Variants in RARS2 observed in about 807,000 individuals in gnomAD.
The protein encoded by RARS2 is probable arginine--tRNA ligase, mitochondrial.
In RARS2, 67 loss-of-function variants were observed where a neutral mutation model predicts 88.5. The ratio of observed to expected loss-of-function variants is 0.76; its 90% CI spans 0.62 to 0.93. RARS2 has a LOEUF of 0.93. Ranked by LOEUF, RARS2 falls within the 40% of genes least tolerant of loss-of-function variation. RARS2 has a pLI of 0.00. For missense variants in RARS2, 664 were observed against 684.2 expected, an observed-to-expected ratio of 0.97 and a Z score of 0.33; for synonymous variants, 239 against 230.3, an observed-to-expected ratio of 1.04 and a Z score of -0.34.
chr6:87,517,928 C>T (rs1772363048), intron 17 of RARS2, among the ~76,000 whole-genome samples: 1 of 152,176 alleles, frequency 6.6e-6, no homozygotes, highest in Admixed American at 6.5e-5. Flanking sequence ...GGCAGCTAGA[C>T]ATGTGCGCTA....
At chr6:87,566,702 C>T (rs79321345) in intron 2 of RARS2, among the ~76,000 whole-genome samples, 5,665 of 151,528 alleles carry the variant, frequency 0.037, 347 homozygotes, top group African/African-American at 0.13. Flanking sequence ...AAAAATTAGC[C>T]AAGTGTGGTG....
chr6:87,521,366 C>G, intron 12 of RARS2, 98 bp downstream of exon 12: 1 of 934,990 alleles, frequency 1.1e-6, no homozygotes, highest in Non-Finnish European at 1.7e-6. Flanking sequence ...GTTGACTTCT[C>G]TCTGTAGTTT....
At chr6:87,550,806 A>T (rs973092229) in intron 5 of RARS2, among the ~76,000 whole-genome samples, 1 of 146,290 alleles carries the variant, frequency 6.8e-6, no homozygotes, top group African/African-American at 2.6e-5. Flanking sequence ...TACATTATTT[A>T]AGAAAAAAAA....
rs117663384 is a variant in RARS2, at chr6:87,566,363, A to G, written c.111-2131T>C. ...AAAGTAAAAAATACATCAACTTGCTAAAATCAGTTGTCTTACTGTAGTAGA... is the reference window on the plus strand; with the variant it reads ...AAAGTAAAAAATACATCAACTTGCTGAAATCAGTTGTCTTACTGTAGTAGA... On this transcript the variant is annotated intron_variant, in intron 2 of 19. Coordinates refer to ENST00000369536, the MANE Select transcript of RARS2 (RefSeq NM_020320.5). Among the ~76,000 whole-genome samples, 49 of 152,336 alleles carry G rather than the reference A, an allele frequency of 3.2e-4. No individual in the cohort carries two copies. The East Asian group carries it at 9.2e-3, about 29-fold the overall frequency.
At position 87,564,116 on chromosome 6, in the gene RARS2, T is replaced by C. The variant is rs986829250; in HGVS notation, c.213+14A>G. On this transcript the variant is annotated intron_variant, in intron 3 of 19. Transcript: ENST00000369536. ...TTATTACAATGTCAAAAAGAGATAA[T>C]AGTGCTAACGTACCTTCTCTGCTAG... is the stretch of plus-strand genomic sequence containing the variant. The C allele has an allele frequency of 1.2e-5, 18 of 1,558,256 alleles. No individual in the cohort carries two copies. The highest frequency in any genetic ancestry group is 1.7e-5 in the Admixed American group (1 of 59,936).
chr6:87,527,227 T>G (rs564381391), intron 10 of RARS2, among the ~76,000 whole-genome samples: 34 of 152,040 alleles, frequency 2.2e-4, no homozygotes, highest in Non-Finnish European at 3.5e-4. Context: ...GAGATTCGCT[T>G]GAACCTGGGA....
At chr6:87,573,480 T>G (rs555483003) in intron 1 of RARS2, among the ~76,000 whole-genome samples, 2 of 152,252 alleles carry the variant, frequency 1.3e-5, no homozygotes, top group Admixed American at 1.3e-4. Context: ...ATAATGTAAA[T>G]TTTAAAACAA....
At position 87,545,644 on chromosome 6, in the gene RARS2, AT is replaced by A. The variant is rs749044383; in HGVS notation, c.506del (p.Asn169IlefsTer51). The stretch of plus-strand genomic sequence containing the variant: ...ACTGCATGCCCCAATCGCCAAGGTA[AT>A]TTATTCTTATTACTTGATGTCCTAA... Reference protein sequence around the residue: ...EALGHQVIRINYLGDWGMQFG... With the variant: ...EALGHQVIRIXYLGDWGMQFG... On this transcript the variant is annotated frameshift_variant, in exon 7 of 20. Coordinates refer to ENST00000369536, the MANE Select transcript of RARS2 (RefSeq NM_020320.5). LOFTEE classifies it high-confidence loss of function. 4 of 1,613,764 alleles carry A rather than the reference AT, an allele frequency of 2.5e-6. No homozygotes were observed. The highest frequency in any genetic ancestry group is 3.4e-6 in the Non-Finnish European group (4 of 1,179,894).
chr6:87,548,790 G>A (rs1220993433), intron 5 of RARS2, 144 bp from the exon 6 acceptor site: 2 of 734,812 alleles, frequency 2.7e-6, no homozygotes, highest in Non-Finnish European at 4.4e-6. Context: ...TAAAAATTTA[G>A]AGCAAAGATA....
chr6:87,558,773 T>C (rs1427663834), intron 4 of RARS2, among the ~76,000 whole-genome samples: 1 of 152,228 alleles, frequency 6.6e-6, no homozygotes, highest in African/African-American at 2.4e-5. Flanking sequence ...TTGATAATAA[T>C]AAAGGACTGT....
chr6:87,518,947 A>G, intron 14 of RARS2, 56 bp from the exon 15 acceptor site: 2 of 1,555,524 alleles, frequency 1.3e-6, no homozygotes, highest in Non-Finnish European at 1.8e-6. Flanking sequence ...CCAATCATGG[A>G]TCCAAGTGAA....
rs1325871986 is a variant in RARS2, at chr6:87,564,248, G to A, written c.111-16C>T. 6.4e-6 allele frequency: 10 copies of A among 1,554,246 alleles called. No homozygotes were observed. The highest frequency in any genetic ancestry group is 5.0e-5 in the Admixed American group (3 of 59,872). On this transcript the variant is annotated splice_polypyrimidine_tract_variant and intron_variant, in intron 2 of 19. Coordinates refer to ENST00000369536, the MANE Select transcript of RARS2 (RefSeq NM_020320.5). ...AGCTACTTCTCTAAAGACAGACATC[G>A]AAACGAGATAGAACTGTTACCTTAA...
intron 1 of RARS2, among the ~76,000 whole-genome samples, chr6:87,585,642 G>C (rs1006485583): frequency 1.3e-5 from 2 of 152,142 alleles, no homozygotes; most frequent in Admixed American, 1.3e-4. Flanking sequence ...TGAGGTGGGA[G>C]AATGGCGTGA....
chr6:87,518,042 A>G (rs1234985070), intron 17 of RARS2, 127 bp downstream of exon 17: 19 of 1,572,580 alleles, frequency 1.2e-5, no homozygotes, highest in Non-Finnish European at 1.7e-5. Flanking sequence ...TTTTTAAGGC[A>G]TACCTTTGGG....
chr6:87,583,905 T>C (rs6902249), intron 1 of RARS2, among the ~76,000 whole-genome samples: 5,698 of 152,212 alleles, frequency 0.037, 349 homozygotes, highest in African/African-American at 0.13. Context: ...GATGATGAAA[T>C]GAAAATTTCA....
At chr6:87,577,852 C>G (rs1053128133) in intron 1 of RARS2, among the ~76,000 whole-genome samples, 5 of 152,164 alleles carry the variant, frequency 3.3e-5, no homozygotes, top group Admixed American at 1.3e-4. Context: ...TGTAAAAACA[C>G]TACGAATTGT....
chr6:87,520,353 C>A (rs961906454), intron 12 of RARS2, 97 bp from the exon 13 acceptor site: 36 of 982,870 alleles, frequency 3.7e-5, no homozygotes, highest in Non-Finnish European at 2.0e-5. Context: ...TGAGGTCTGA[C>A]AGACTAAAGT....
At chr6:87,557,225 C>T (rs758368782) in intron 4 of RARS2, among the ~76,000 whole-genome samples, 2 of 152,100 alleles carry the variant, frequency 1.3e-5, no homozygotes, top group African/African-American at 2.4e-5. Context: ...TGTATGTGCA[C>T]AAGGACGTAG....
chr6:87,528,575 C>T (rs974583208), intron 10 of RARS2, among the ~76,000 whole-genome samples: 7 of 152,140 alleles, frequency 4.6e-5, no homozygotes, highest in Non-Finnish European at 8.8e-5. Flanking sequence ...AAAAGGAAAT[C>T]CTGTCATTTG....
Sources: allele counts gnomAD v4.1 joint callset (sites outside exome capture counted in the v4.1 genomes callset), GRCh38; gene constraint gnomAD v4.1.1; transcripts MANE v1.5; gene names NCBI Gene and HGNC (gene_info 2026-07-23, HGNC 2026-07-21).